Variants in PHKA1 observed in about 807,000 individuals in gnomAD.
The protein encoded by PHKA1 is phosphorylase kinase regulatory subunit alpha 1.
In PHKA1, 60 loss-of-function variants were observed where a neutral mutation model predicts 110.2. The observed-to-expected ratio is 0.54, with a 90% CI of 0.44 to 0.68. PHKA1 has a LOEUF of 0.68. Among genes scored for constraint, PHKA1 ranks in the 30% least tolerant of loss-of-function variants. The pLI is 0.00. For missense variants in PHKA1, 801 were observed against 942.5 expected, an observed-to-expected ratio of 0.85 and a Z score of 1.97; for synonymous variants, 316 against 333.6, an observed-to-expected ratio of 0.95 and a Z score of 0.58.
chrX:72,598,755 A>G (rs2052622206), intron 28 of PHKA1, among the ~76,000 whole-genome samples: 1 of 112,253 alleles, frequency 8.9e-6, no homozygotes, highest in African/African-American at 3.2e-5. Context: ...TACATTGGGC[A>G]AAGTGGTTAA....
chrX:72,618,009 C>T (rs1456352235), intron 21 of PHKA1, among the ~76,000 whole-genome samples: 1 of 111,366 alleles, frequency 9.0e-6, no homozygotes, highest in Non-Finnish European at 1.9e-5. Context: ...TCTCCTTTCC[C>T]TGGGCTCTCA....
intron 6 of PHKA1, among the ~76,000 whole-genome samples, chrX:72,669,715 A>AT (rs2053661759): frequency 9.2e-6 from 1 of 109,223 alleles, no homozygotes; most frequent in South Asian, 4.1e-4. Context: ...TGAACTCATC[A>AT]TTTTTTATGG....
intron 6 of PHKA1, among the ~76,000 whole-genome samples, chrX:72,674,573 T>C (rs1433838576): frequency 8.9e-6 from 1 of 112,151 alleles, no homozygotes; most frequent in Non-Finnish European, 1.9e-5. Context: ...ATGAGCATTT[T>C]TTCATGTGTC....
chrX:72,653,683 G>A (rs1465901392), intron 10 of PHKA1, among the ~76,000 whole-genome samples, 153 bp from the exon 11 acceptor site: 1 of 112,309 alleles, frequency 8.9e-6, no homozygotes, highest in Non-Finnish European at 1.9e-5. Flanking sequence ...GCTTGTTATA[G>A]GCCAAATATT....
At chrX:72,596,113 T>G (rs976655189) in intron 28 of PHKA1, among the ~76,000 whole-genome samples, 1 of 111,925 alleles carries the variant, frequency 8.9e-6, no homozygotes, top group Admixed American at 9.5e-5. Flanking sequence ...TTATTCAGAC[T>G]TTAAAAACGA....
chrX:72,617,838 A>T (rs1400595150), intron 21 of PHKA1, among the ~76,000 whole-genome samples: 1 of 110,294 alleles, frequency 9.1e-6, no homozygotes, highest in Non-Finnish European at 1.9e-5. Flanking sequence ...AAAAATAAAA[A>T]AAATAAAAAA....
intron 8 of PHKA1, among the ~76,000 whole-genome samples, chrX:72,665,614 T>C (rs1420283973): frequency 2.7e-5 from 3 of 111,705 alleles, no homozygotes; most frequent in African/African-American, 6.5e-5. Flanking sequence ...TGAACATAGA[T>C]GCAAAAATCC....
chrX:72,614,926 T>C (rs2052869022), intron 21 of PHKA1, among the ~76,000 whole-genome samples: 1 of 111,930 alleles, frequency 8.9e-6, no homozygotes, highest in Non-Finnish European at 1.9e-5. Context: ...GGAAGATATA[T>C]ATTTGAAAAT....
At chrX:72,621,555 T>C (rs1228548604) in intron 18 of PHKA1, among the ~76,000 whole-genome samples, 1 of 111,789 alleles carries the variant, frequency 8.9e-6, no homozygotes, top group Non-Finnish European at 1.9e-5. Flanking sequence ...TACATGAATA[T>C]TCACAAGGTT....
At chrX:72,620,442 T>C (rs1460554652) in intron 19 of PHKA1, among the ~76,000 whole-genome samples, 3 of 112,127 alleles carry the variant, frequency 2.7e-5, no homozygotes, top group African/African-American at 9.7e-5. Flanking sequence ...ATTTCAAACT[T>C]TAATGTTATA....
At chrX:72,624,977 A>T (rs2053035405) in intron 17 of PHKA1, among the ~76,000 whole-genome samples, 2 of 112,522 alleles carry the variant, frequency 1.8e-5, no homozygotes, top group Non-Finnish European at 3.8e-5. Context: ...AAAGAGATAT[A>T]ACAACTAACT....
rs979264440 is a variant in PHKA1, at chrX:72,618,574, A to G, written c.2369+136T>C. 5.9e-5 allele frequency: 30 copies of G among 505,471 alleles called. No homozygotes were observed. The African/African-American group carries it at 6.4e-4, about 11-fold the overall frequency. 41.7% of individuals were successfully genotyped at this position (505,471 alleles called of 1,213,427 possible). On this transcript the variant is annotated intron_variant, in intron 21 of 31. Transcript: ENST00000373542. ...ATAAATGAGGACAACTGAGGGTTTG[A>G]AGTCACATGATGGATAGGTTGTTAA...
intron 14 of PHKA1, among the ~76,000 whole-genome samples, chrX:72,643,655 G>A (rs1556296352): frequency 9.0e-6 from 1 of 111,416 alleles, no homozygotes; most frequent in African/African-American, 3.3e-5. Flanking sequence ...TTATAGTCTG[G>A]TCTTCCTCTG....
At chrX:72,686,249 C>T (rs945858503) in intron 4 of PHKA1, among the ~76,000 whole-genome samples, 2 of 111,738 alleles carry the variant, frequency 1.8e-5, no homozygotes, top group Middle Eastern at 9.3e-3. Context: ...CAAACTGTGC[C>T]GAAGGATAAC....
chrX:72,676,375 A>G (rs1403684203), intron 5 of PHKA1, among the ~76,000 whole-genome samples: 5 of 111,093 alleles, frequency 4.5e-5, no homozygotes, highest in African/African-American at 1.3e-4. Flanking sequence ...AAGCCATTGG[A>G]AGACTCCTCA....
At chrX:72,647,236 T>C (rs1357188216) in intron 13 of PHKA1, among the ~76,000 whole-genome samples, 1 of 111,701 alleles carries the variant, frequency 9.0e-6, no homozygotes, top group East Asian at 2.8e-4. Flanking sequence ...CTCAGAATTA[T>C]TTAGGAAATA....
intron 14 of PHKA1, 23 bp from the exon 15 acceptor site, chrX:72,636,409 TA>T (rs1462140221): frequency 3.2e-6 from 3 of 934,266 alleles, no homozygotes; most frequent in Non-Finnish European, 4.7e-6. Flanking sequence ...TGAGAAATGG[TA>T]AAAATATTTC....
chrX:72,646,112 A>G (rs1556297086), intron 13 of PHKA1, among the ~76,000 whole-genome samples: 1 of 112,172 alleles, frequency 8.9e-6, no homozygotes, highest in Admixed American at 9.4e-5. Flanking sequence ...TACCTTGCAT[A>G]GTGGCAAAAG....
At chrX:72,629,926 G>A (rs2053139788) in intron 16 of PHKA1, among the ~76,000 whole-genome samples, 1 of 111,560 alleles carries the variant, frequency 9.0e-6, no homozygotes, top group South Asian at 3.7e-4. Flanking sequence ...CTCCCATTAA[G>A]GTCCTTACTT....
Sources: allele counts gnomAD v4.1 joint callset (sites outside exome capture counted in the v4.1 genomes callset), GRCh38; gene constraint gnomAD v4.1.1; transcripts MANE v1.5; gene names NCBI Gene and HGNC (gene_info 2026-07-23, HGNC 2026-07-21).